The following PKHD1 variants were observed in gnomAD, a reference collection of about 807,000 sequenced individuals.
PKHD1 encodes fibrocystin.
Under a neutral mutation model 412.0 loss-of-function variants are expected in PKHD1, and 291 were observed. The observed-to-expected ratio is 0.71, with a 90% CI of 0.64 to 0.78. PKHD1 has a LOEUF of 0.78. PKHD1 is among the 30% of genes least tolerant of loss of function. The pLI, the probability that PKHD1 is intolerant of heterozygous loss-of-function variation, is 0.00. For synonymous variants in PKHD1, 1,777 were observed against 1,821.5 expected, an observed-to-expected ratio of 0.98 and a Z score of 0.62; for missense variants, 4,825 against 4,950.7, an observed-to-expected ratio of 0.97 and a Z score of 0.76.
intron 50 of PKHD1, among the ~76,000 whole-genome samples, chr6:51,843,144 C>T (rs1347675467): frequency 6.6e-6 from 1 of 152,234 alleles, no homozygotes; most frequent in African/African-American, 2.4e-5. Context: ...AGGCTCCATA[C>T]AGCCAAGCCC....
intron 60 of PKHD1, among the ~76,000 whole-genome samples, chr6:51,716,070 T>G (rs1230178440): frequency 6.6e-6 from 1 of 152,226 alleles, no homozygotes; most frequent in Non-Finnish European, 1.5e-5. Context: ...AAAAAGTTAC[T>G]AAAGGCACAT....
At chr6:52,063,807 T>C (rs1030095289) in intron 13 of PKHD1, among the ~76,000 whole-genome samples, 2 of 152,306 alleles carry the variant, frequency 1.3e-5, no homozygotes, top group South Asian at 2.1e-4. Context: ...TTGAGAACAA[T>C]TGGTTTCCAT....
intron 19 of PKHD1, among the ~76,000 whole-genome samples, chr6:52,055,111 G>T (rs966693445): frequency 6.6e-5 from 10 of 152,172 alleles, no homozygotes; most frequent in African/African-American, 2.4e-4. Flanking sequence ...ATAATAATTA[G>T]CCTTCACTGG....
intron 25 of PKHD1, 106 bp downstream of exon 25, chr6:52,044,860 A>T (rs1805524887): frequency 7.6e-7 from 1 of 1,311,384 alleles, no homozygotes; most frequent in Admixed American, 1.7e-5. Flanking sequence ...CACATTGGCA[A>T]AATGACCCTT....
chr6:51,841,092 A>G (rs1218124766), intron 50 of PKHD1, among the ~76,000 whole-genome samples: 1 of 152,236 alleles, frequency 6.6e-6, no homozygotes, highest in Admixed American at 6.5e-5. Context: ...TAAAATATCT[A>G]AAGTTCAGGA....
At chr6:51,989,158 A>G (rs928494105) in intron 35 of PKHD1, among the ~76,000 whole-genome samples, 1 of 152,134 alleles carries the variant, frequency 6.6e-6, no homozygotes. Flanking sequence ...CTGACATTTT[A>G]CCTTCTACAA....
rs954352733 is a variant in PKHD1, at chr6:51,625,311, A to T, written c.11785+1686T>A. ...AGGGAAACTAAAGTGCCATGGCAAT[A>T]ATAGAATGAAACAAAATTTATGTAA... On this transcript the variant is annotated intron_variant, in intron 66 of 66. Transcript: ENST00000371117. Among the ~76,000 whole-genome samples, 5 of 152,170 alleles carry T rather than the reference A, an allele frequency of 3.3e-5. No individual in the cohort carries two copies. In the East Asian group the frequency reaches 9.6e-4, roughly 29 times the overall value.
intron 53 of PKHD1, among the ~76,000 whole-genome samples, chr6:51,781,235 C>A (rs532928384): frequency 1.3e-5 from 2 of 152,226 alleles, no homozygotes; most frequent in African/African-American, 4.8e-5. Context: ...GTATATTTGA[C>A]TCGCTTATTC....
At chr6:51,969,448 G>A (rs1159587504) in intron 35 of PKHD1, among the ~76,000 whole-genome samples, 1 of 152,142 alleles carries the variant, frequency 6.6e-6, no homozygotes, top group East Asian at 1.9e-4. Context: ...GTGCAGTTTT[G>A]TTACATGGAT....
chr6:51,803,293 A>G (rs1370120397), intron 52 of PKHD1, among the ~76,000 whole-genome samples: 1 of 151,328 alleles, frequency 6.6e-6, no homozygotes, highest in Non-Finnish European at 1.5e-5. Flanking sequence ...ACATGTATTC[A>G]AAGCAAGGAG....
At chr6:51,749,485 TTAA>T (rs1295057400) in intron 57 of PKHD1, among the ~76,000 whole-genome samples, 1 of 152,146 alleles carries the variant, frequency 6.6e-6, no homozygotes, top group African/African-American at 2.4e-5. Context: ...TTTGGTAAAA[TTAA>T]TAATAACATG....
intron 60 of PKHD1, among the ~76,000 whole-genome samples, chr6:51,736,918 T>C (rs1474259412): frequency 6.6e-6 from 1 of 152,216 alleles, no homozygotes; most frequent in African/African-American, 2.4e-5. Flanking sequence ...CTCTGTTAAG[T>C]AGCTGAGCAG....
At chr6:51,660,076 T>C (rs970262786) in intron 60 of PKHD1, 107 bp from the exon 61 acceptor site, 1 of 731,254 alleles carries the variant, frequency 1.4e-6, no homozygotes, top group African/African-American at 1.8e-5. Flanking sequence ...AAAATATTTA[T>C]TAAACATCTA....
At chr6:52,068,008 C>G (rs569862590) in intron 11 of PKHD1, among the ~76,000 whole-genome samples, 2 of 152,110 alleles carry the variant, frequency 1.3e-5, no homozygotes, top group East Asian at 3.9e-4. Context: ...AGTTGCTGTA[C>G]AGATACATCA....
chr6:52,080,886 C>A (rs1193547450), intron 4 of PKHD1, among the ~76,000 whole-genome samples: 2 of 151,994 alleles, frequency 1.3e-5, no homozygotes, highest in Non-Finnish European at 2.9e-5. Context: ...TCACTTGTTT[C>A]TTTTGACTTT....
chr6:51,720,056 G>C (rs1359527888), intron 60 of PKHD1, among the ~76,000 whole-genome samples: 2 of 152,122 alleles, frequency 1.3e-5, no homozygotes, highest in Non-Finnish European at 2.9e-5. Context: ...CAGGGTAAAG[G>C]GGGCACATTG....
At chr6:51,710,560 T>C (rs1226496896) in intron 60 of PKHD1, among the ~76,000 whole-genome samples, 1 of 152,162 alleles carries the variant, frequency 6.6e-6, no homozygotes, top group East Asian at 1.9e-4. Context: ...TCTACATCTT[T>C]TAATTTCCTT....
At position 52,058,562 on chromosome 6, in the gene PKHD1, A is replaced by G. The variant is rs2128212751; in HGVS notation, c.1273T>C (p.Phe425Leu). The change falls in exon 16 of 67, where the codon TTT becomes CTT. Residue 425 changes from phenylalanine (F) to leucine (L), a missense_variant. Transcript: ENST00000371117. ...TCCCTATTCTGCTCCCAGGAGTCAA[A>G]CCAGTCAGCAGTGCCGACGCTGATG... ...ASISVGTADWFDSWEQNRDEG... is the reference protein window; with the variant it reads ...ASISVGTADWLDSWEQNRDEG... 3 of 1,614,080 alleles carry G rather than the reference A, an allele frequency of 1.9e-6. No homozygotes were observed. The highest frequency in any genetic ancestry group is 2.5e-6 in the Non-Finnish European group (3 of 1,180,006).
rs182691091 is a variant in PKHD1 at position 51,819,775 on chromosome 6, T to C, written c.8302+11086A>G. Among the ~76,000 whole-genome samples the C allele has an allele frequency of 7.9e-5, 12 of 152,284 alleles. No homozygotes were observed. In the East Asian group the frequency reaches 2.3e-3, roughly 29 times the overall value. On this transcript the variant is annotated intron_variant, in intron 52 of 66. Transcript: ENST00000371117. ...TCACACATTATGCAAACAGCAGTGA[T>C]GGAATACATGTAAATCAATTTTGGC...
Sources: allele counts gnomAD v4.1 joint callset (sites outside exome capture counted in the v4.1 genomes callset), GRCh38; gene constraint gnomAD v4.1.1; transcripts MANE v1.5; gene names NCBI Gene and HGNC (gene_info 2026-07-23, HGNC 2026-07-21).